DCAF6: variants seen among roughly 807,000 people sequenced by gnomAD.
The protein encoded by DCAF6 is DDB1 and CUL4 associated factor 6.
DCAF6 carries 54 observed loss-of-function variants against 125.1 expected under a neutral mutation model. The observed-to-expected ratio is 0.43, with a 90% CI of 0.35 to 0.54. The LOEUF (loss-of-function observed/expected upper bound fraction) is 0.54. Ranked by LOEUF, DCAF6 falls within the 20% of genes least tolerant of loss-of-function variation. The pLI is 0.01. For synonymous variants in DCAF6, 371 were observed against 390.4 expected, an observed-to-expected ratio of 0.95 and a Z score of 0.58; for missense variants, 934 against 1,161.7, an observed-to-expected ratio of 0.80 and a Z score of 2.85.
chr1:167,947,087 T>TC (rs1162529865), intron 1 of DCAF6, among the ~76,000 whole-genome samples: 6 of 152,186 alleles, frequency 3.9e-5, no homozygotes, highest in Non-Finnish European at 8.8e-5. Context: ...TCTGTTTCTT[T>TC]CTGGTTCATT....
rs1688998366 is a variant in DCAF6 at position 168,045,076 on chromosome 1, A to C, written c.2107A>C (p.Asn703His). The C allele has an allele frequency of 6.2e-7, 1 of 1,614,032 alleles. No individual in the cohort carries two copies. The change falls in exon 16 of 22, where the codon AAT becomes CAT. Residue 703 changes from asparagine to histidine, a missense_variant. Physicochemically the swap from Asn to His is moderately conservative, Grantham distance 68. Transcript: ENST00000367840. ...GAGTGCTACCAATGAAAATAACACC[A>C]ATCCTGAGCCTCAGTTCCAAACAGA... is the stretch of plus-strand genomic sequence containing the variant. ...TESATNENNT[N>H]PEPQFQTEAT...
chr1:167,911,162 G>C, the DCAF6 span, among the ~76,000 whole-genome samples: 1 of 152,294 alleles, frequency 6.6e-6, no homozygotes, highest in East Asian at 1.9e-4. Flanking sequence ...TTCAAACTGG[G>C]CAGTTTTAGG....
the DCAF6 span, chr1:167,918,484 A>C: frequency 1.8e-6 from 1 of 562,298 alleles, no homozygotes; most frequent in East Asian, 3.1e-5. Flanking sequence ...AGTTGTAAAC[A>C]GAATCTTCCC....
chr1:168,049,525 G>T (rs1441199042), intron 16 of DCAF6, among the ~76,000 whole-genome samples: 3 of 149,550 alleles, frequency 2.0e-5, no homozygotes, highest in South Asian at 2.1e-4. Flanking sequence ...CTCCCAAAGT[G>T]CTGGGGGACT....
chr1:168,012,422 A>C (rs1387003768), intron 10 of DCAF6, among the ~76,000 whole-genome samples: 2 of 152,210 alleles, frequency 1.3e-5, no homozygotes, highest in Non-Finnish European at 2.9e-5. Context: ...GCAGTTTATA[A>C]TACCTTGTTG....
intron 17 of DCAF6, chr1:168,055,865 C>T (rs371382901): frequency 2.2e-4 from 286 of 1,315,662 alleles, no homozygotes; most frequent in Non-Finnish European, 2.8e-4. Context: ...TGCTGGCTTG[C>T]GTTATTTCAT....
chr1:167,918,675 G>T, the DCAF6 span, among the ~76,000 whole-genome samples: 2 of 146,402 alleles, frequency 1.4e-5, no homozygotes, highest in Admixed American at 6.9e-5. Flanking sequence ...CTCGCTGCAA[G>T]CTCTGCCTCC....
chr1:167,924,521 G>C, the DCAF6 span: 1 of 1,570,570 alleles, frequency 6.4e-7, no homozygotes, highest in Non-Finnish European at 8.6e-7. Flanking sequence ...GAGCCCAGAA[G>C]AAAACTGTTC....
chr1:168,033,092 G>A (rs1444493943), intron 12 of DCAF6, among the ~76,000 whole-genome samples: 1 of 151,858 alleles, frequency 6.6e-6, no homozygotes, highest in Non-Finnish European at 1.5e-5. Flanking sequence ...TAATTTCGTA[G>A]TGGAAATGTA....
chr1:167,886,299 A>G, the DCAF6 span, among the ~76,000 whole-genome samples: 1 of 152,176 alleles, frequency 6.6e-6, no homozygotes, highest in Non-Finnish European at 1.5e-5. Flanking sequence ...TTCAAACTAT[A>G]CTACAAGGCT....
intron 7 of DCAF6, among the ~76,000 whole-genome samples, chr1:167,998,069 TCTC>T (rs780031439): frequency 2.6e-5 from 4 of 152,098 alleles, no homozygotes; most frequent in South Asian, 2.1e-4. Context: ...GAGCCATACT[TCTC>T]CTCCCAGATA....
intron 17 of DCAF6, among the ~76,000 whole-genome samples, chr1:168,057,612 A>AATG (rs756331912): frequency 5.2e-4 from 79 of 152,162 alleles, no homozygotes; most frequent in Non-Finnish European, 9.7e-4. Flanking sequence ...TGTGCTAGAT[A>AATG]CTCTGGTGGG....
chr1:167,952,525 T>A (rs1008595600), intron 2 of DCAF6, among the ~76,000 whole-genome samples: 1 of 152,194 alleles, frequency 6.6e-6, no homozygotes, highest in Non-Finnish European at 1.5e-5. Context: ...CCATATCCTC[T>A]TTTTTGAAAT....
intron 10 of DCAF6, among the ~76,000 whole-genome samples, chr1:168,015,438 T>C (rs1329596671): frequency 6.6e-6 from 1 of 152,182 alleles, no homozygotes; most frequent in Non-Finnish European, 1.5e-5. Flanking sequence ...GTTAACTGAT[T>C]GTTTTCAATT....
At chr1:167,974,804 T>G in intron 3 of DCAF6, 26 bp from the exon 4 acceptor site, 1 of 1,463,646 alleles carries the variant, frequency 6.8e-7, no homozygotes, top group East Asian at 2.5e-5. Context: ...TAAGTTACCA[T>G]TAACTGCTTT....
chr1:167,866,886 C>T, the DCAF6 span, among the ~76,000 whole-genome samples: 1 of 152,144 alleles, frequency 6.6e-6, no homozygotes, highest in Admixed American at 6.5e-5. Flanking sequence ...AAAGGCTGGC[C>T]CCCATATCTA....
intron 12 of DCAF6, among the ~76,000 whole-genome samples, chr1:168,027,476 A>C (rs12084894): frequency 0.029 from 4,410 of 152,250 alleles, 219 homozygotes; most frequent in African/African-American, 0.1. Flanking sequence ...ATTTGAATAT[A>C]TCTCTGACTA....
intron 21 of DCAF6, among the ~76,000 whole-genome samples, chr1:168,071,336 G>A (rs1209885541): frequency 6.6e-6 from 1 of 152,226 alleles, no homozygotes; most frequent in African/African-American, 2.4e-5. Flanking sequence ...AGGTACAGTG[G>A]CTCACGCCTG....
chr1:167,983,531 A>G (rs187941766), intron 4 of DCAF6, among the ~76,000 whole-genome samples: 140 of 152,296 alleles, frequency 9.2e-4, no homozygotes, highest in Admixed American at 1.7e-3. Flanking sequence ...GTTGCCTTCA[A>G]GTGCCTTGGA....
Sources: allele counts gnomAD v4.1 joint callset (sites outside exome capture counted in the v4.1 genomes callset), GRCh38; gene constraint gnomAD v4.1.1; transcripts MANE v1.5; gene names NCBI Gene and HGNC (gene_info 2026-07-23, HGNC 2026-07-21).